REXO5: variants seen among roughly 807,000 people sequenced by gnomAD.
REXO5 encodes the protein RNA exonuclease 5.
A neutral mutation model predicts 88.5 loss-of-function variants in REXO5; 48 were observed. The ratio of observed to expected loss-of-function variants is 0.54; its 90% CI spans 0.43 to 0.69. REXO5 has a LOEUF of 0.69. REXO5 is among the 30% of genes least tolerant of loss of function. REXO5 has a pLI of 0.00. For synonymous variants in REXO5, 311 were observed against 336.5 expected (o/e 0.92, Z 0.83); for missense variants, 749 against 912.2 (o/e 0.82, Z 2.30).
intron 16 of REXO5, 132 bp downstream of exon 16, chr16:20,844,158 C>G (rs2081572151): frequency 1.6e-6 from 1 of 616,256 alleles, no homozygotes; most frequent in Non-Finnish European, 2.9e-6. Flanking sequence ...AAGTCTTCAG[C>G]CAAGTCTAAC....
chr16:20,807,912 G>T (rs2080926440), intron 2 of REXO5, among the ~76,000 whole-genome samples: 2 of 152,100 alleles, frequency 1.3e-5, no homozygotes, highest in South Asian at 4.1e-4. Context: ...TGTCCATGGG[G>T]TCCCCAACCC....
chr16:20,826,014 A>G, intron 8 of REXO5, 66 bp downstream of exon 8: 1 of 1,006,200 alleles, frequency 9.9e-7, no homozygotes, highest in Non-Finnish European at 1.5e-6. Flanking sequence ...ATACTTAAGA[A>G]TGGCCCACAG....
chr16:20,836,456 A>T (rs1161568564), intron 13 of REXO5, among the ~76,000 whole-genome samples: 1 of 152,076 alleles, frequency 6.6e-6, no homozygotes, highest in African/African-American at 2.4e-5. Flanking sequence ...TCACTGCTTT[A>T]TAGTTTTTTT....
chr16:20,814,806 A>C, intron 3 of REXO5, 121 bp from the exon 4 acceptor site: 1 of 970,926 alleles, frequency 1.0e-6, no homozygotes, highest in Non-Finnish European at 1.5e-6. Flanking sequence ...GTGAATGGTG[A>C]TAAATTCTAT....
chr16:20,811,096 C>T lies in REXO5; in HGVS notation c.139-2094C>T, dbSNP rs573161615. Among the ~76,000 whole-genome samples the T allele has an allele frequency of 2.0e-4, 30 of 152,250 alleles. No homozygotes were observed. In the South Asian group the frequency reaches 6.2e-3, roughly 32 times the overall value. ...CTGCTGAGGCTTTGACACCCCACAC[C>T]AGAGCACCCTCCTGCATGAATGTCC... On this transcript the variant is annotated intron_variant, in intron 2 of 19. Coordinates refer to ENST00000261377, the MANE Select transcript of REXO5 (RefSeq NM_030941.3).
In REXO5 at chr16:20,806,651, C is replaced by G. The variant is rs2080881773; in HGVS notation, c.-57C>G. 8.5e-7 allele frequency: 1 copy of G among 1,180,116 alleles called. No homozygotes were observed. Among genetic ancestry groups the G allele is most frequent in the Non-Finnish European group, 1.1e-6 (1 of 869,928 alleles). The allele number at this position is 1,180,116 out of a possible 1,614,324, so 73.1% of individuals were successfully genotyped here. A position where few individuals can be genotyped will look rare whatever the true frequency, so the allele number is the denominator to read the frequency against. The stretch of plus-strand genomic sequence containing the variant: ...CGGCGAAGCCGCTCGGCAGCACCTT[C>G]CTTCTTTGCCAGGCAGACGCCCGTT... On this transcript the variant is annotated 5_prime_UTR_variant, in exon 1 of 20. Coordinates refer to ENST00000261377, the MANE Select transcript of REXO5 (RefSeq NM_030941.3).
In REXO5 at chr16:20,827,110, G is replaced by GA. The variant is rs1454500118; in HGVS notation, c.875dup (p.Asp292GlufsTer13). The stretch of plus-strand genomic sequence containing the variant: ...TAACCCAGTGACGACCAAACTCAAA[G>GA]ATGTACAGAGGCAGTTAAAAGCACT... On this transcript the variant is annotated frameshift_variant, in exon 9 of 20. Coordinates refer to ENST00000261377, the MANE Select transcript of REXO5 (RefSeq NM_030941.3). LOFTEE classifies it high-confidence loss of function. 2 of 1,613,942 alleles carry GA rather than the reference G, an allele frequency of 1.2e-6. No individual in the cohort carries two copies. The highest frequency in any genetic ancestry group is 1.7e-5 in the Admixed American group (1 of 59,994).
chr16:20,828,612 C>A, intron 11 of REXO5, 75 bp downstream of exon 11: 2 of 991,968 alleles, frequency 2.0e-6, no homozygotes, highest in African/African-American at 1.6e-5. Context: ...AGACTACCAA[C>A]TCCTATTATC....
chr16:20,835,012 A>G (rs2081404293), intron 13 of REXO5, among the ~76,000 whole-genome samples: 2 of 152,266 alleles, frequency 1.3e-5, no homozygotes, highest in South Asian at 4.1e-4. Flanking sequence ...TTTGTATTGG[A>G]TGCCAGACAT....
intron 5 of REXO5, among the ~76,000 whole-genome samples, chr16:20,818,129 C>G (rs1293915059): frequency 6.6e-6 from 1 of 152,202 alleles, no homozygotes; most frequent in East Asian, 1.9e-4. Flanking sequence ...CTTCTCAGCT[C>G]ATCCTATACA....
intron 5 of REXO5, among the ~76,000 whole-genome samples, chr16:20,819,134 G>T (rs1005630142): frequency 2.0e-5 from 3 of 152,120 alleles, no homozygotes; most frequent in Non-Finnish European, 4.4e-5. Context: ...GTATTCCATG[G>T]TGTATATGTA....
intron 19 of REXO5, among the ~76,000 whole-genome samples, chr16:20,846,945 C>A (rs991388478): frequency 2.6e-5 from 4 of 152,118 alleles, no homozygotes; most frequent in African/African-American, 7.2e-5. Flanking sequence ...TAAACCCTTT[C>A]TTTAAAGAAA....
chr16:20,806,984 C>G lies in REXO5; in HGVS notation c.31C>G (p.His11Asp). The G allele has an allele frequency of 6.3e-7, 1 of 1,599,250 alleles. No homozygotes were observed. The highest frequency in any genetic ancestry group is 8.5e-7 in the Non-Finnish European group (1 of 1,172,898). MEPEREGTER[H>D]PRKVRESRQA... ...GCCAGAGAGGGAAGGGACCGAGAGA[C>G]ACCCCAGGAAGGTCAGGGAAAGCAG... Residue 11 changes from histidine (H) to aspartate (D), a missense_variant, in exon 2 of 20, where the codon CAC (histidine) becomes GAC (aspartate). His to Asp is a moderately conservative substitution (Grantham distance 81). Transcript: ENST00000261377.
At chr16:20,830,312 G>A (rs536441625) in intron 11 of REXO5, among the ~76,000 whole-genome samples, 2 of 151,722 alleles carry the variant, frequency 1.3e-5, no homozygotes, top group East Asian at 1.9e-4. Context: ...TCAGCTTCCC[G>A]AGCAGCTGGG....
At chr16:20,828,398 G>A (rs771427285) in intron 10 of REXO5, 37 bp from the exon 11 acceptor site, 27 of 1,279,420 alleles carry the variant, frequency 2.1e-5, no homozygotes, top group Non-Finnish European at 3.0e-5. Context: ...ATCATTAAAA[G>A]TGCTTCCAGT....
intron 4 of REXO5, among the ~76,000 whole-genome samples, chr16:20,815,637 A>G (rs2081070621): frequency 6.6e-6 from 1 of 152,192 alleles, no homozygotes; most frequent in African/African-American, 2.4e-5. Flanking sequence ...AATTATCACA[A>G]TAGTCTTATA....
intron 13 of REXO5, among the ~76,000 whole-genome samples, chr16:20,838,387 GA>G (rs1172426397): frequency 6.6e-6 from 1 of 152,164 alleles, no homozygotes; most frequent in Non-Finnish European, 1.5e-5. Flanking sequence ...TTGCAGAAGT[GA>G]AACTTGGGCT....
In REXO5 at chr16:20,845,067, TG is replaced by T; in HGVS notation, c.1952del (p.Gly651AlafsTer17). The T allele has an allele frequency of 6.2e-7, 1 of 1,613,272 alleles. No individual in the cohort carries two copies. The highest frequency in any genetic ancestry group is 2.2e-5 in the East Asian group (1 of 44,858). ...KYCFLKFKSF[G>X]SAQQALNILT... ...TCTTGCTTTCAGAATTCAAAAGTTT[TG>T]GCAGTGCCCAGCAGGCCCTCAACAT... On this transcript the variant is annotated frameshift_variant, in exon 18 of 20. Transcript: ENST00000261377. LOFTEE classifies it high-confidence loss of function.
rs2081275646 is a variant in REXO5 at position 20,827,379 on chromosome 16, A to G, written c.987A>G (p.Thr329=). ...TGATACATCCATATGTTATTGATAC[A>G]TCGTTGCTTTATGTCAGAGAGCAGG... ...LKMIHPYVID[T]SLLYVREQGR... The change falls in exon 10 of 20, where the codon ACA becomes ACG. Residue 329 remains threonine, a synonymous_variant. Coordinates refer to ENST00000261377, the MANE Select transcript of REXO5 (RefSeq NM_030941.3). 6.2e-7 allele frequency: 1 copy of G among 1,613,294 alleles called. No homozygotes were observed. The highest frequency in any genetic ancestry group is 1.3e-5 in the African/African-American group (1 of 74,902).
Sources: allele counts gnomAD v4.1 joint callset (sites outside exome capture counted in the v4.1 genomes callset), GRCh38; gene constraint gnomAD v4.1.1; transcripts MANE v1.5; gene names NCBI Gene and HGNC (gene_info 2026-07-23, HGNC 2026-07-21).